The following DNAJC15 variants were observed in gnomAD, a reference collection of about 807,000 sequenced individuals.
The protein encoded by DNAJC15 is dnaJ homolog subfamily C member 15.
In DNAJC15, 27 loss-of-function variants were observed where a neutral mutation model predicts 22.4. The ratio of observed to expected loss-of-function variants is 1.20; its 90% CI spans 0.89 to 1.66. DNAJC15 has a LOEUF of 1.66. Ranked by LOEUF, DNAJC15 falls within the 40% of genes most tolerant of loss-of-function variation. The pLI, the probability that DNAJC15 is intolerant of heterozygous loss-of-function variation, is 0.00. For missense variants in DNAJC15, 208 were observed against 187.1 expected (o/e 1.11, Z -0.65); for synonymous variants, 79 against 63.2 (o/e 1.25, Z -1.19).
rs1298548569 is a variant in DNAJC15, at chr13:43,108,989, A to G, written c.*1741A>G. On this transcript the variant is annotated 3_prime_UTR_variant, in exon 6 of 6. Transcript: ENST00000379221. ...CCTTGTACCTAAGAATGCCATCCCA[A>G]TCCCCAGATGTCCACCTGCCCAAAG... 2.0e-5 allele frequency: 3 copies of G among 152,158 alleles called. No individual in the cohort carries two copies. Among genetic ancestry groups the G allele is most frequent in the African/African-American group, 4.8e-5 (2 of 41,432 alleles). The allele number at this position is 152,158 out of a possible 1,614,324, so 9.4% of individuals were successfully genotyped here. A position where few individuals can be genotyped will look rare whatever the true frequency, so the allele number is the denominator to read the frequency against.
intron 1 of DNAJC15, among the ~76,000 whole-genome samples, chr13:43,041,293 G>GTGCC (rs1306823944): frequency 6.6e-6 from 1 of 152,192 alleles, no homozygotes; most frequent in Non-Finnish European, 1.5e-5. Flanking sequence ...TCAAGCATTT[G>GTGCC]TTTAACAAAG....
chr13:43,089,944 G>A (rs1349537430), intron 5 of DNAJC15, among the ~76,000 whole-genome samples: 1 of 152,150 alleles, frequency 6.6e-6, no homozygotes, highest in Non-Finnish European at 1.5e-5. Context: ...AAAACTGGTG[G>A]TGTCTTAACA....
At chr13:43,066,567 A>C (rs2040585082) in intron 2 of DNAJC15, among the ~76,000 whole-genome samples, 1 of 152,206 alleles carries the variant, frequency 6.6e-6, no homozygotes, top group Admixed American at 6.5e-5. Flanking sequence ...ACATATTCTC[A>C]GGTTCCAAGG....
At chr13:43,094,405 G>A (rs193110065) in intron 5 of DNAJC15, among the ~76,000 whole-genome samples, 1 of 152,294 alleles carries the variant, frequency 6.6e-6, no homozygotes, top group Non-Finnish European at 1.5e-5. Context: ...ACCTGGGGTT[G>A]GGGCCCAGCA....
intron 1 of DNAJC15, among the ~76,000 whole-genome samples, chr13:43,025,306 A>G (rs564032454): frequency 4.4e-4 from 67 of 152,298 alleles, no homozygotes; most frequent in African/African-American, 1.4e-3. Context: ...CTTTCAAGGT[A>G]GTTGGGAGCT....
At chr13:43,078,929 A>T (rs1408494311) in intron 4 of DNAJC15, 3 of 280,928 alleles carry the variant, frequency 1.1e-5, no homozygotes, top group African/African-American at 6.5e-5. Flanking sequence ...TTTAACAAGG[A>T]TCTATAATAT....
intron 3 of DNAJC15, among the ~76,000 whole-genome samples, chr13:43,073,042 A>T (rs1238812940): frequency 6.6e-6 from 1 of 152,072 alleles, no homozygotes; most frequent in Non-Finnish European, 1.5e-5. Flanking sequence ...TTATGTGTTC[A>T]TATTGGTTCT....
intron 5 of DNAJC15, among the ~76,000 whole-genome samples, chr13:43,102,445 ATG>A (rs2040774467): frequency 6.6e-6 from 1 of 151,850 alleles, no homozygotes; most frequent in East Asian, 1.9e-4. Context: ...TTTATTATGA[ATG>A]TGTGTTGAAT....
intron 3 of DNAJC15, among the ~76,000 whole-genome samples, chr13:43,077,401 C>T (rs1358671575): frequency 1.3e-5 from 2 of 152,204 alleles, no homozygotes; most frequent in Non-Finnish European, 2.9e-5. Context: ...GGCTTCAGTG[C>T]ATTCCTACAA....
Position 43,085,748 on chromosome 13 carries a change from A to G in DNAJC15, c.312-20A>G, listed in dbSNP as rs763160185. ...GCATTTGATGCTATTTATTATAAGC[A>G]CTGTAATTTCTTTTTACAGCCCATC... On this transcript the variant is annotated intron_variant, in intron 4 of 5. Transcript: ENST00000379221. The G allele has an allele frequency of 3.7e-6, 6 of 1,600,884 alleles. No homozygotes were observed. Among genetic ancestry groups the G allele is most frequent in the African/African-American group, 1.3e-5 (1 of 74,388 alleles).
At chr13:43,085,697 C>A in intron 4 of DNAJC15, 71 bp from the exon 5 acceptor site, 2 of 1,294,398 alleles carry the variant, frequency 1.5e-6, no homozygotes, top group Non-Finnish European at 2.2e-6. Flanking sequence ...TTTTTGAAAC[C>A]CATATAAACC....
At chr13:43,069,819 A>G (rs2040600427) in intron 3 of DNAJC15, among the ~76,000 whole-genome samples, 1 of 152,212 alleles carries the variant, frequency 6.6e-6, no homozygotes, top group African/African-American at 2.4e-5. Context: ...TTTATTAAAT[A>G]AATGAACAGT....
rs567653933 is a variant in DNAJC15, at chr13:43,034,782, C to T, written c.108+11048C>T. On this transcript the variant is annotated intron_variant, in intron 1 of 5. Transcript: ENST00000379221. Reference sequence around the variant, plus strand: ...TCAGTTGACTCTTGTGTACCTTTGACATACCCCCAACGTTGTGGGGGTTTT... The same window carrying T: ...TCAGTTGACTCTTGTGTACCTTTGATATACCCCCAACGTTGTGGGGGTTTT... Among the ~76,000 whole-genome samples the T allele has an allele frequency of 1.1e-3, 175 of 152,296 alleles. 1 individual carries two copies. In the South Asian group the frequency reaches 0.035, roughly 31 times the overall value.
intron 4 of DNAJC15, among the ~76,000 whole-genome samples, chr13:43,079,880 A>G (rs2040653704): frequency 6.6e-6 from 1 of 152,190 alleles, no homozygotes; most frequent in Non-Finnish European, 1.5e-5. Flanking sequence ...ATTCACTTGG[A>G]AAATTCAGTG....
At chr13:43,067,245 C>G (rs534257589) in intron 2 of DNAJC15, among the ~76,000 whole-genome samples, 1 of 152,146 alleles carries the variant, frequency 6.6e-6, no homozygotes, top group East Asian at 1.9e-4. Flanking sequence ...ACTATTTTAA[C>G]CTTTTGTCTT....
chr13:43,053,025 A>G (rs1269711135), intron 1 of DNAJC15, among the ~76,000 whole-genome samples: 1 of 152,158 alleles, frequency 6.6e-6, no homozygotes, highest in Non-Finnish European at 1.5e-5. Context: ...GTTATCTTCT[A>G]TAATTTTTAT....
intron 1 of DNAJC15, among the ~76,000 whole-genome samples, chr13:43,034,282 T>A (rs531367547): frequency 1.3e-5 from 2 of 150,358 alleles, no homozygotes; most frequent in South Asian, 4.2e-4. Flanking sequence ...TTATTTGGAA[T>A]TCTTCTGTAT....
chr13:43,041,759 G>C (rs2040455236), intron 1 of DNAJC15, among the ~76,000 whole-genome samples: 1 of 152,224 alleles, frequency 6.6e-6, no homozygotes, highest in South Asian at 2.1e-4. Flanking sequence ...CCAGCTGTCT[G>C]TTTTACTGTC....
chr13:43,070,017 A>G (rs1226082031), intron 3 of DNAJC15, among the ~76,000 whole-genome samples: 4 of 152,216 alleles, frequency 2.6e-5, no homozygotes, highest in South Asian at 2.1e-4. Flanking sequence ...TATCACAGCT[A>G]TTAAATTTAT....
Sources: allele counts gnomAD v4.1 joint callset (sites outside exome capture counted in the v4.1 genomes callset), GRCh38; gene constraint gnomAD v4.1.1; transcripts MANE v1.5; gene names NCBI Gene and HGNC (gene_info 2026-07-23, HGNC 2026-07-21).